Variants in PCDH9 observed in about 807,000 individuals in gnomAD.
PCDH9 encodes protocadherin 9.
In PCDH9, 24 loss-of-function variants were observed where a neutral mutation model predicts 70.6. The ratio of observed to expected loss-of-function variants is 0.34; its 90% CI spans 0.25 to 0.48. The LOEUF is 0.48. Among genes scored for constraint, PCDH9 ranks in the 20% least tolerant of loss-of-function variants. The pLI, the probability that PCDH9 is intolerant of heterozygous loss-of-function variation, is 0.99. For synonymous variants in PCDH9, 562 were observed against 558.5 expected (o/e 1.01, Z -0.09); for missense variants, 1,281 against 1,503.6 (o/e 0.85, Z 2.45).
chr13:67,147,591 C>T (rs966873826), intron 2 of PCDH9, among the ~76,000 whole-genome samples: 11 of 152,070 alleles, frequency 7.2e-5, no homozygotes, highest in African/African-American at 2.7e-4. Context: ...AAAAAGGTGC[C>T]CTATCCAGTT....
intron 4 of PCDH9, chr13:66,306,054 T>A (rs1955459198): frequency 6.6e-6 from 1 of 151,944 alleles, no homozygotes; most frequent in African/African-American, 2.4e-5. Flanking sequence ...AAATGATAGC[T>A]TGGAAATTAG....
At chr13:66,672,260 G>C (rs115051259) in intron 3 of PCDH9, among the ~76,000 whole-genome samples, 1 of 152,174 alleles carries the variant, frequency 6.6e-6, no homozygotes, top group Admixed American at 6.5e-5. Context: ...TTCTTTCTAC[G>C]TATTGTAAAA....
intron 2 of PCDH9, among the ~76,000 whole-genome samples, chr13:67,153,698 A>G (rs2087721207): frequency 6.6e-6 from 1 of 152,224 alleles, no homozygotes; most frequent in African/African-American, 2.4e-5. Flanking sequence ...AAAAATAGAT[A>G]CATTTTAAAA....
chr13:66,756,930 G>A (rs537980095), intron 3 of PCDH9, among the ~76,000 whole-genome samples: 3 of 152,038 alleles, frequency 2.0e-5, no homozygotes, highest in Non-Finnish European at 4.4e-5. Flanking sequence ...TCTGCCTCCC[G>A]GGTTCAAGCA....
At chr13:66,863,093 ATATT>A (rs2081510739) in intron 3 of PCDH9, among the ~76,000 whole-genome samples, 1 of 152,164 alleles carries the variant, frequency 6.6e-6, no homozygotes, top group African/African-American at 2.4e-5. Context: ...AAATATGTAA[ATATT>A]TGTACTCAGA....
intron 4 of PCDH9, chr13:66,306,255 C>T (rs1055482856): frequency 6.6e-6 from 1 of 151,746 alleles, no homozygotes; most frequent in African/African-American, 2.4e-5. Context: ...GTTAGCACAA[C>T]TAATATTTTT....
chr13:66,487,329 T>G (rs1958960462), intron 4 of PCDH9, among the ~76,000 whole-genome samples: 1 of 152,206 alleles, frequency 6.6e-6, no homozygotes, highest in Admixed American at 6.5e-5. Flanking sequence ...CAAAGCATTA[T>G]CTAAGTCTGT....
At chr13:66,544,793 C>T (rs1054245673) in intron 4 of PCDH9, among the ~76,000 whole-genome samples, 6 of 152,034 alleles carry the variant, frequency 3.9e-5, no homozygotes, top group African/African-American at 1.5e-4. Context: ...GAGATTGATG[C>T]GGCCATCAAT....
intron 2 of PCDH9, among the ~76,000 whole-genome samples, chr13:67,177,043 A>G (rs1440835211): frequency 6.6e-6 from 1 of 152,106 alleles, no homozygotes; most frequent in Non-Finnish European, 1.5e-5. Flanking sequence ...TGTTATGAAA[A>G]TTAAAGTATC....
intron 3 of PCDH9, among the ~76,000 whole-genome samples, chr13:66,718,008 T>A (rs2139146117): frequency 6.6e-6 from 1 of 152,296 alleles, no homozygotes; most frequent in South Asian, 2.1e-4. Context: ...TACAGATTGT[T>A]TTTCATATTA....
intron 4 of PCDH9, among the ~76,000 whole-genome samples, chr13:66,323,718 A>G (rs1456955739): frequency 2.0e-5 from 3 of 150,956 alleles, no homozygotes; most frequent in Non-Finnish European, 4.4e-5. Flanking sequence ...GCGGCATCAC[A>G]TCTTAAGTAG....
At chr13:67,123,324 C>G (rs1449423814) in intron 2 of PCDH9, among the ~76,000 whole-genome samples, 2 of 152,188 alleles carry the variant, frequency 1.3e-5, no homozygotes, top group Admixed American at 6.5e-5. Flanking sequence ...AGAGCTCCTT[C>G]CTTTCCTGCA....
chr13:67,126,782 G>A (rs909980120), intron 2 of PCDH9, among the ~76,000 whole-genome samples: 1 of 152,086 alleles, frequency 6.6e-6, no homozygotes, highest in Non-Finnish European at 1.5e-5. Context: ...CCAGTGACTC[G>A]GAGGTTTCAG....
At chr13:66,655,248 T>A (rs997331879) in intron 3 of PCDH9, among the ~76,000 whole-genome samples, 4 of 152,002 alleles carry the variant, frequency 2.6e-5, no homozygotes, top group Non-Finnish European at 5.9e-5. Context: ...GTGTGACAAA[T>A]GGTAAAACTC....
intron 2 of PCDH9, among the ~76,000 whole-genome samples, chr13:67,154,605 T>TACAC (rs765270091): frequency 0.018 from 1,637 of 93,196 alleles, 86 homozygotes; most frequent in African/African-American, 0.069. Flanking sequence ...AATATATATA[T>TACAC]ACACACACAC....
At chr13:67,177,936 C>T (rs2088508487) in intron 2 of PCDH9, among the ~76,000 whole-genome samples, 1 of 152,026 alleles carries the variant, frequency 6.6e-6, no homozygotes, top group Non-Finnish European at 1.5e-5. Flanking sequence ...TTCTAACCTC[C>T]ACTCCTAAGA....
chr13:66,699,072 G>A (rs1023864922), intron 3 of PCDH9, among the ~76,000 whole-genome samples: 1 of 151,564 alleles, frequency 6.6e-6, no homozygotes, highest in East Asian at 1.9e-4. Flanking sequence ...CCACCATCAT[G>A]TCCGGCTAAT....
At chr13:66,975,702 C>T (rs1410587347) in intron 2 of PCDH9, among the ~76,000 whole-genome samples, 4 of 151,964 alleles carry the variant, frequency 2.6e-5, no homozygotes, top group Non-Finnish European at 5.9e-5. Flanking sequence ...CTTTATTAAG[C>T]GCCCACTATG....
chr13:66,878,436 A>G lies in PCDH9; in HGVS notation c.3138+25068T>C, dbSNP rs185533416. Among the ~76,000 whole-genome samples the G allele has an allele frequency of 3.8e-3, 574 of 152,196 alleles. 4 individuals carry two copies. Among genetic ancestry groups the G allele is most frequent in the African/African-American group, 0.013 (539 of 41,532 alleles). On this transcript the variant is annotated intron_variant, in intron 3 of 4. Coordinates refer to ENST00000377865, the MANE Select transcript of PCDH9 (RefSeq NM_203487.3). ...GAGACAGGGTTTCACCTCGTTGGCC[A>G]GGCTAGTCTGGAACTCCTGAACTCA...
Sources: allele counts gnomAD v4.1 joint callset (sites outside exome capture counted in the v4.1 genomes callset), GRCh38; gene constraint gnomAD v4.1.1; transcripts MANE v1.5; gene names NCBI Gene and HGNC (gene_info 2026-07-23, HGNC 2026-07-21).